NEK5: variants seen among roughly 807,000 people sequenced by gnomAD.
The protein encoded by NEK5 is NIMA related kinase 5, also known as serine/threonine-protein kinase Nek5.
NEK5 carries 88 observed loss-of-function variants against 109.2 expected under a neutral mutation model. That is an observed-to-expected ratio of 0.81 (90% CI 0.68 to 0.96). The LOEUF (loss-of-function observed/expected upper bound fraction) is 0.96, where lower values mean the gene tolerates loss of function less well. Ranked by LOEUF, NEK5 falls within the 40% of genes least tolerant of loss-of-function variation. The probability of loss-of-function intolerance (pLI) is 0.00; values close to 1 mark genes in which losing one functional copy is unlikely to be tolerated. For missense variants in NEK5, 834 were observed against 920.7 expected (o/e 0.91, Z 1.22); for synonymous variants, 283 against 299.9 (o/e 0.94, Z 0.58).
intron 4 of NEK5, among the ~76,000 whole-genome samples, chr13:52,117,371 T>C (rs1312260472): frequency 6.6e-6 from 1 of 152,134 alleles, no homozygotes; most frequent in African/African-American, 2.4e-5. Context: ...GTAGTTCAAG[T>C]CCCAGCAATC....
chr13:52,054,286 T>C (rs1306656247), intron 22 of NEK5, among the ~76,000 whole-genome samples: 1 of 152,218 alleles, frequency 6.6e-6, no homozygotes, highest in Non-Finnish European at 1.5e-5. Context: ...ACATAGTTGT[T>C]ATGAAGGAAT....
At chr13:52,061,754 G>T in intron 22 of NEK5, 65 bp downstream of exon 22, 1 of 653,606 alleles carries the variant, frequency 1.5e-6, no homozygotes, top group Non-Finnish European at 1.9e-6. Flanking sequence ...TCCCCTTTCA[G>T]CATTTGCAAG....
intron 23 of NEK5, among the ~76,000 whole-genome samples, chr13:52,049,417 C>G (rs968393675): frequency 6.6e-6 from 1 of 151,966 alleles, no homozygotes; most frequent in Non-Finnish European, 1.5e-5. Flanking sequence ...GAGTGAGGCT[C>G]TGTCTCAAAT....
rs201651614 is a variant in NEK5, at chr13:52,106,535, GCGGGCAGAT to G, written c.554+1774_554+1782del. Among the ~76,000 whole-genome samples the G allele has an allele frequency of 1.2e-4, 19 of 152,234 alleles. No homozygotes were observed. In the East Asian group the frequency reaches 3.3e-3, roughly 26 times the overall value. On this transcript the variant is annotated intron_variant, in intron 8 of 23. Coordinates refer to ENST00000684899, the MANE Select transcript of NEK5 (RefSeq NM_001365552.1). Reference sequence around the variant, plus strand: ...AATCCCAGCACTTTGAGAGGCTGAGGCGGGCAGATCACCTGAGGTCAAGAATTCAAGACC... The same window carrying G: ...AATCCCAGCACTTTGAGAGGCTGAGGCACCTGAGGTCAAGAATTCAAGACC...
intron 21 of NEK5, among the ~76,000 whole-genome samples, chr13:52,063,624 T>C (rs1387621041): frequency 2.0e-5 from 3 of 149,306 alleles, no homozygotes; most frequent in African/African-American, 7.5e-5. Context: ...ATCTAGGAAG[T>C]GAGGAGCATC....
At chr13:52,107,872 C>A (rs560245718) in intron 8 of NEK5, among the ~76,000 whole-genome samples, 211 of 152,146 alleles carry the variant, frequency 1.4e-3, no homozygotes, top group Non-Finnish European at 2.2e-3. Flanking sequence ...AGGACCTAGA[C>A]CCATTTAGAT....
intron 16 of NEK5, among the ~76,000 whole-genome samples, chr13:52,084,752 AGAGAGAGAGAGTGTGTGT>A (rs1955096223): frequency 3.9e-5 from 2 of 51,798 alleles, no homozygotes; most frequent in East Asian, 8.5e-4. Flanking sequence ...AGAGAGAGAG[AGAGAGAGAGAGTGTGTGT>A]GTGTGTGTGT....
intron 2 of NEK5, 34 bp from the exon 3 acceptor site, chr13:52,127,538 G>A (rs988975853): frequency 2.6e-5 from 24 of 940,686 alleles, no homozygotes; most frequent in Admixed American, 1.1e-4. Flanking sequence ...TATCACACAC[G>A]TCTCATAAAG....
chr13:52,078,367 C>A (rs749292739), intron 17 of NEK5, among the ~76,000 whole-genome samples: 1 of 152,018 alleles, frequency 6.6e-6, no homozygotes, highest in Non-Finnish European at 1.5e-5. Flanking sequence ...CAACCTACAG[C>A]GACAGAAAGC....
At chr13:52,086,573 T>A in intron 15 of NEK5, among the ~76,000 whole-genome samples, 1 of 152,248 alleles carries the variant, frequency 6.6e-6, no homozygotes, top group Non-Finnish European at 1.5e-5. Flanking sequence ...CTCAATTTTA[T>A]ATATAACCCA....
chr13:52,112,448 G>A, intron 4 of NEK5, 83 bp from the exon 5 acceptor site: 1 of 893,750 alleles, frequency 1.1e-6, no homozygotes, highest in Non-Finnish European at 1.8e-6. Flanking sequence ...AAGATGGACT[G>A]GGTTCTAATT....
intron 11 of NEK5, among the ~76,000 whole-genome samples, chr13:52,101,126 C>T (rs374929556): frequency 9.9e-5 from 15 of 152,088 alleles, no homozygotes; most frequent in East Asian, 3.9e-4. Context: ...CGGCCTGGCG[C>T]GGTGGCTCAC....
chr13:52,100,021 G>T, intron 11 of NEK5, 145 bp from the exon 12 acceptor site: 1 of 556,286 alleles, frequency 1.8e-6, no homozygotes, highest in Non-Finnish European at 2.9e-6. Flanking sequence ...CACAGTGAGA[G>T]TACTGATGAA....
intron 3 of NEK5, among the ~76,000 whole-genome samples, chr13:52,124,776 C>T (rs1024827686): frequency 1.3e-5 from 2 of 152,102 alleles, no homozygotes; most frequent in African/African-American, 2.4e-5. Context: ...GACATACAAA[C>T]GTTTTCTATT....
intron 13 of NEK5, 59 bp from the exon 14 acceptor site, chr13:52,089,372 T>C (rs1474133658): frequency 3.8e-6 from 4 of 1,063,606 alleles, no homozygotes; most frequent in Non-Finnish European, 5.7e-6. Flanking sequence ...AGGCACCAAT[T>C]TGACGAGTAA....
intron 8 of NEK5, among the ~76,000 whole-genome samples, chr13:52,105,282 AAG>A (rs1955628936): frequency 3.6e-5 from 2 of 55,692 alleles, no homozygotes; most frequent in Admixed American, 3.8e-4. Flanking sequence ...TGTCAGAGAG[AAG>A]GAGAGAGAGA....
intron 10 of NEK5, 24 bp downstream of exon 10, chr13:52,102,068 C>T: frequency 6.2e-7 from 1 of 1,612,660 alleles, no homozygotes; most frequent in Non-Finnish European, 8.5e-7. Context: ...CTGCCAAAAT[C>T]CAAACAGTCA....
chr13:52,094,680 G>A (rs994504777), intron 12 of NEK5, among the ~76,000 whole-genome samples: 13 of 152,076 alleles, frequency 8.5e-5, no homozygotes, highest in African/African-American at 2.9e-4. Flanking sequence ...CCAGCTACTC[G>A]GGAGAATGGC....
chr13:52,086,697 T>G (rs752625567), intron 15 of NEK5, among the ~76,000 whole-genome samples: 3 of 152,204 alleles, frequency 2.0e-5, no homozygotes, highest in Non-Finnish European at 4.4e-5. Context: ...TAACCCCCAG[T>G]GCCTTAGAAT....
Sources: gnomAD v4.1 joint callset for allele counts (sites outside exome capture counted in the v4.1 genomes callset) on GRCh38, gnomAD v4.1.1 for gene constraint, MANE v1.5 for transcripts, NCBI Gene and HGNC (gene_info 2026-07-23, HGNC 2026-07-21) for gene names.